Variants in MYO5B observed in about 807,000 individuals in gnomAD.
MYO5B encodes myosin VB.
A neutral mutation model predicts 229.3 loss-of-function variants in MYO5B; 143 were observed. The ratio of observed to expected loss-of-function variants is 0.62; its 90% confidence interval spans 0.54 to 0.72. MYO5B has a LOEUF of 0.72. Ranked by LOEUF, MYO5B falls within the 30% of genes least tolerant of loss-of-function variation. The pLI is 0.00. For synonymous variants in MYO5B, 918 were observed against 885.2 expected (o/e 1.04, Z -0.66); for missense variants, 2,321 against 2,331.0 (o/e 1.00, Z 0.09).
intron 17 of MYO5B, among the ~76,000 whole-genome samples, chr18:49,914,185 C>G (rs1353582303): frequency 6.6e-6 from 1 of 152,174 alleles, no homozygotes; most frequent in Non-Finnish European, 1.5e-5. Context: ...CTTCAGGAGT[C>G]GCAGGCTCCC....
intron 18 of MYO5B, among the ~76,000 whole-genome samples, chr18:49,910,905 A>G (rs563247650): frequency 6.6e-6 from 1 of 152,248 alleles, no homozygotes; most frequent in South Asian, 2.1e-4. Context: ...TAATGATCAT[A>G]CTCTGCTGTA....
intron 1 of MYO5B, among the ~76,000 whole-genome samples, chr18:50,143,102 T>C (rs1006851089): frequency 1.3e-5 from 2 of 152,238 alleles, no homozygotes; most frequent in African/African-American, 4.8e-5. Context: ...TTAACGTTTC[T>C]ATTAAGCTTT....
At chr18:49,896,562 G>A (rs182550399) in intron 21 of MYO5B, among the ~76,000 whole-genome samples, 7 of 152,260 alleles carry the variant, frequency 4.6e-5, no homozygotes, top group Non-Finnish European at 1.0e-4. Context: ...TGGCCCAGCT[G>A]CTCTCTCTAG....
At chr18:49,969,696 A>G (rs2025668614) in intron 10 of MYO5B, 1 of 152,224 alleles carries the variant, frequency 6.6e-6, no homozygotes, top group Non-Finnish European at 1.5e-5. Flanking sequence ...AGGCATTTTT[A>G]AACATACCAT....
chr18:50,033,861 G>T (rs1032425497), intron 4 of MYO5B, among the ~76,000 whole-genome samples: 2 of 149,582 alleles, frequency 1.3e-5, no homozygotes, highest in African/African-American at 4.9e-5. Context: ...TTCTCTTACG[G>T]CTATCTCCTC....
chr18:49,863,017 C>G (rs369572773), intron 29 of MYO5B, among the ~76,000 whole-genome samples: 8 of 152,154 alleles, frequency 5.3e-5, no homozygotes, highest in African/African-American at 1.9e-4. Flanking sequence ...TTCAGGGGAC[C>G]TGGGCTCTAG....
intron 1 of MYO5B, among the ~76,000 whole-genome samples, chr18:50,143,968 T>G (rs1359421849): frequency 6.6e-6 from 1 of 152,174 alleles, no homozygotes; most frequent in Non-Finnish European, 1.5e-5. Context: ...CCGGACAGAA[T>G]GTTATCACCT....
At chr18:49,860,363 C>A (rs2024314297) in intron 29 of MYO5B, among the ~76,000 whole-genome samples, 1 of 152,104 alleles carries the variant, frequency 6.6e-6, no homozygotes, top group Non-Finnish European at 1.5e-5. Context: ...AGACAAACTG[C>A]CCAGCACCCA....
chr18:49,964,453 T>C (rs979838397), intron 10 of MYO5B, among the ~76,000 whole-genome samples: 4 of 152,222 alleles, frequency 2.6e-5, no homozygotes, highest in African/African-American at 4.8e-5. Flanking sequence ...CAAACACAGA[T>C]GGAGGACATT....
At chr18:50,130,862 T>C (rs781460870) in intron 1 of MYO5B, among the ~76,000 whole-genome samples, 3 of 152,228 alleles carry the variant, frequency 2.0e-5, no homozygotes, top group Non-Finnish European at 4.4e-5. Flanking sequence ...AGCTCATCTC[T>C]CAGGAAAAGG....
At chr18:50,125,103 C>T (rs1376212779) in intron 1 of MYO5B, among the ~76,000 whole-genome samples, 1 of 152,140 alleles carries the variant, frequency 6.6e-6, no homozygotes, top group Non-Finnish European at 1.5e-5. Context: ...CCAGGGTCTC[C>T]AAGCCATTTG....
At chr18:49,971,902 CAA>C (rs1350445716) in intron 10 of MYO5B, among the ~76,000 whole-genome samples, 2 of 151,902 alleles carry the variant, frequency 1.3e-5, no homozygotes, top group Admixed American at 6.5e-5. Context: ...AACTTTATAA[CAA>C]AAAAAGTGAA....
chr18:50,037,869 G>A (rs1162470741), intron 3 of MYO5B, among the ~76,000 whole-genome samples: 2 of 152,114 alleles, frequency 1.3e-5, no homozygotes, highest in Non-Finnish European at 2.9e-5. Context: ...TCCAGCCTGG[G>A]CGACAGAGTG....
intron 1 of MYO5B, among the ~76,000 whole-genome samples, chr18:50,127,577 A>T (rs957676423): frequency 2.0e-5 from 3 of 152,186 alleles, no homozygotes; most frequent in Admixed American, 1.3e-4. Context: ...TGGAGCGCAT[A>T]AAAGGTAGAG....
intron 1 of MYO5B, among the ~76,000 whole-genome samples, chr18:50,140,747 C>T (rs754175539): frequency 6.6e-6 from 1 of 152,190 alleles, no homozygotes; most frequent in Admixed American, 6.5e-5. Context: ...CCACAGTCCA[C>T]ACACCTGGCC....
intron 21 of MYO5B, among the ~76,000 whole-genome samples, chr18:49,895,922 G>C (rs2024774155): frequency 6.6e-6 from 1 of 152,194 alleles, no homozygotes; most frequent in African/African-American, 2.4e-5. Flanking sequence ...CAAGAGTTGA[G>C]GGCATTAGCT....
chr18:50,054,698 T>G (rs571546294), intron 2 of MYO5B, among the ~76,000 whole-genome samples: 1 of 152,172 alleles, frequency 6.6e-6, no homozygotes, highest in South Asian at 2.1e-4. Context: ...AAATAAAAAA[T>G]GCTCACTACA....
intron 36 of MYO5B, among the ~76,000 whole-genome samples, chr18:49,838,053 C>T (rs1433281293): frequency 1.3e-5 from 2 of 152,208 alleles, no homozygotes; most frequent in Admixed American, 1.3e-4. Flanking sequence ...TGGGCATGTA[C>T]CAGCTCGATT....
chr18:50,136,957 G>C lies in MYO5B; in HGVS notation c.27+57810C>G, dbSNP rs189222272. ...CTGTTATAGGCACTTGTGTATTATA[G>C]TCACTAGTGGTAACAGTTTATCTGC... On this transcript the variant is annotated intron_variant, in intron 1 of 39. Transcript: ENST00000285039. Among the ~76,000 whole-genome samples the C allele has an allele frequency of 4.9e-4, 74 of 152,254 alleles. 1 individual carries two copies. The highest frequency in any genetic ancestry group is 3.3e-3 in the Admixed American group (51 of 15,304).
Sources: gnomAD v4.1 joint callset for allele counts (sites outside exome capture counted in the v4.1 genomes callset) on GRCh38, gnomAD v4.1.1 for gene constraint, MANE v1.5 for transcripts, NCBI Gene and HGNC (gene_info 2026-07-23, HGNC 2026-07-21) for gene names.